Variants in RGS12 observed in about 807,000 individuals in gnomAD.
The protein encoded by RGS12 is regulator of G-protein signaling 12.
RGS12 carries 66 observed loss-of-function variants against 120.1 expected under a neutral mutation model. The ratio of observed to expected loss-of-function variants is 0.55; its 90% confidence interval spans 0.45 to 0.67. The LOEUF (loss-of-function observed/expected upper bound fraction) is 0.67, where lower values mean the gene tolerates loss of function less well. RGS12 is among the 30% of genes least tolerant of loss of function. The probability of loss-of-function intolerance (pLI) is 0.00; values close to 1 mark genes in which losing one functional copy is unlikely to be tolerated. For missense variants in RGS12, 1,859 were observed against 1,957.7 expected, an observed-to-expected ratio of 0.95 and a Z score of 0.95; for synonymous variants, 827 against 804.7, an observed-to-expected ratio of 1.03 and a Z score of -0.47.
intron 1 of RGS12, among the ~76,000 whole-genome samples, chr4:3,305,848 G>C (rs1578683775): frequency 6.6e-6 from 1 of 152,250 alleles, no homozygotes; most frequent in East Asian, 1.9e-4. Context: ...TCCTTTGTTT[G>C]AAACACAGCA....
intron 3 of RGS12, among the ~76,000 whole-genome samples, chr4:3,351,949 A>T (rs1288096162): frequency 6.6e-6 from 1 of 152,160 alleles, no homozygotes; most frequent in Admixed American, 6.5e-5. Context: ...ATTATTTAGA[A>T]TCTTTATTTT....
At position 3,433,670 on chromosome 4, in the gene RGS12, C is replaced by A. The variant is rs28779780; in HGVS notation, c.4114+2715C>A. Among the ~76,000 whole-genome samples, 1 of 151,962 alleles carries A rather than the reference C, an allele frequency of 6.6e-6. No homozygotes were observed. The highest frequency in any genetic ancestry group is 1.5e-5 in the Non-Finnish European group (1 of 67,992). ...CCATGCCACCCTGTTCCAGCCCCTG[C>A]GCCACGTGGTGCTCCACCACGCCCT... On this transcript the variant is annotated intron_variant, in intron 17 of 17. Transcript: ENST00000336727. This position sits in a 1 kb window ranked among gnomAD's most constrained non-coding sequence, Gnocchi z 4.4.
intron 4 of RGS12, among the ~76,000 whole-genome samples, chr4:3,408,587 A>T (rs1277288253): frequency 6.6e-6 from 1 of 152,154 alleles, no homozygotes; most frequent in Non-Finnish European, 1.5e-5. Context: ...GTTGCTGGAG[A>T]TTCCACTGTC....
intron 1 of RGS12, among the ~76,000 whole-genome samples, chr4:3,293,510 C>T (rs1459028884): frequency 6.6e-6 from 1 of 152,002 alleles, no homozygotes; most frequent in East Asian, 1.9e-4. Context: ...TCGTCGGACT[C>T]CACGAGCGGC....
rs757737796 is a variant in RGS12, at chr4:3,317,964, G to A, written c.1794G>A (p.Pro598=). Residue 598 remains proline (P), a synonymous_variant, in exon 2 of 18, where the codon CCG becomes CCA. Coordinates refer to ENST00000336727, the MANE Select transcript of RGS12 (RefSeq NM_001394154.1). Reference sequence around the variant, plus strand: ...TCGCGCAGCCCCCGCTGAATGCCCCGAAGAGGGAGTGGTCCAGGAAGGCCT... The same window carrying A: ...TCGCGCAGCCCCCGCTGAATGCCCCAAAGAGGGAGTGGTCCAGGAAGGCCT... The part of the protein sequence containing the change: ...GSFAQPPLNA[P]KREWSRKAFG... 21 of 1,613,254 alleles carry A rather than the reference G, an allele frequency of 1.3e-5. No homozygotes were observed. The East Asian group carries it at 3.1e-4, about 24-fold the overall frequency.
intron 3 of RGS12, among the ~76,000 whole-genome samples, chr4:3,352,298 G>C (rs936534096): frequency 6.6e-6 from 1 of 152,130 alleles, no homozygotes; most frequent in Non-Finnish European, 1.5e-5. Flanking sequence ...AAAAATGGGA[G>C]GCTTGGTTTG....
At chr4:3,421,286 T>G (rs951220308) in intron 10 of RGS12, among the ~76,000 whole-genome samples, 2 of 152,214 alleles carry the variant, frequency 1.3e-5, no homozygotes, top group African/African-American at 4.8e-5. Context: ...TGATAGGAAT[T>G]TTGGAAAACC....
intron 14 of RGS12, 36 bp from the exon 15 acceptor site, chr4:3,428,054 C>G (rs566493817): frequency 8.2e-6 from 13 of 1,578,778 alleles, no homozygotes; most frequent in Admixed American, 1.7e-5. Flanking sequence ...GATGGATTTG[C>G]GAGTCCCTGA....
At chr4:3,359,618 T>C (rs112468917) in intron 3 of RGS12, among the ~76,000 whole-genome samples, 4,357 of 148,008 alleles carry the variant, frequency 0.029, 215 homozygotes, top group African/African-American at 0.097. Context: ...TAGTTCTTTT[T>C]TCTTTTCTTT....
chr4:3,400,564 G>C lies in RGS12; in HGVS notation c.2021-13508G>C, dbSNP rs192057747. Among the ~76,000 whole-genome samples, 107 of 151,158 alleles carry C rather than the reference G, an allele frequency of 7.1e-4. 1 individual carries two copies. The highest frequency in any genetic ancestry group is 2.3e-3 in the African/African-American group (95 of 41,342). On this transcript the variant is annotated intron_variant, in intron 4 of 17. Transcript: ENST00000336727. ...AAAGCACTCATTCCTTTTTTAAAAA[G>C]TTATACTTAATAGAATACATGAATG...
chr4:3,424,775 GC>G (rs1251741254), intron 13 of RGS12, among the ~76,000 whole-genome samples: 2 of 152,182 alleles, frequency 1.3e-5, no homozygotes, highest in Non-Finnish European at 2.9e-5. Flanking sequence ...GAATTCTGTG[GC>G]CCCCTGTGTC....
In RGS12 at chr4:3,422,976, T is replaced by C; in HGVS notation, c.3105T>C (p.Phe1035=). Residue 1035 remains phenylalanine (F), a splice_region_variant and synonymous_variant, in exon 12 of 18, where the codon TTT becomes TTC. Coordinates refer to ENST00000336727, the MANE Select transcript of RGS12 (RefSeq NM_001394154.1). ...TGCGCCTAGAAAAGCGCACCTTGTT[T>C]CGGTAAGAGGAAGATCGCTGTCATT... The part of the protein sequence containing the change: ...RDLRLEKRTL[F]RLDLVPINRS... 6.2e-7 allele frequency: 1 copy of C among 1,612,740 alleles called. No individual in the cohort carries two copies. Among genetic ancestry groups the C allele is most frequent in the South Asian group, 1.1e-5 (1 of 91,076 alleles).
At chr4:3,381,215 C>T (rs1006879487) in intron 3 of RGS12, among the ~76,000 whole-genome samples, 2 of 152,218 alleles carry the variant, frequency 1.3e-5, no homozygotes, top group Admixed American at 6.5e-5. Context: ...GCCTGGACTT[C>T]GTTGTCCATA....
intron 1 of RGS12, chr4:3,312,766 G>A: frequency 4.6e-6 from 1 of 215,640 alleles, no homozygotes; most frequent in South Asian, 9.1e-5. Context: ...TGGTCCTGAT[G>A]TCCGGGGAAT....
intron 3 of RGS12, among the ~76,000 whole-genome samples, chr4:3,349,433 C>G (rs998841548): frequency 4.6e-5 from 7 of 152,116 alleles, no homozygotes; most frequent in African/African-American, 1.7e-4. Flanking sequence ...ATCTACATAC[C>G]TATAACTTTC....
rs112574020 is a variant in RGS12, at chr4:3,423,998, G to C, written c.3234+357G>C. 2.6e-5 allele frequency: 5 copies of C among 188,876 alleles called. No individual in the cohort carries two copies. The East Asian group carries it at 5.3e-4, about 20-fold the overall frequency. The allele number at this position is 188,876 out of a possible 1,614,324, so 11.7% of individuals were successfully genotyped here. On this transcript the variant is annotated intron_variant, in intron 13 of 17. Coordinates refer to ENST00000336727, the MANE Select transcript of RGS12 (RefSeq NM_001394154.1). ...GGATGGCCCTGCCCCCACTGCACCT[G>C]CTGGGCCCGGGCATTGTGCTCATGC... is the stretch of plus-strand genomic sequence containing the variant.
chr4:3,337,807 G>C (rs1396337691), intron 2 of RGS12, among the ~76,000 whole-genome samples: 1 of 152,190 alleles, frequency 6.6e-6, no homozygotes, highest in Non-Finnish European at 1.5e-5. Flanking sequence ...TAATGCTACT[G>C]AGCCAGCTAA....
At chr4:3,436,582 G>A (rs907061138) in intron 17 of RGS12, among the ~76,000 whole-genome samples, 11 of 152,166 alleles carry the variant, frequency 7.2e-5, no homozygotes, top group Admixed American at 3.9e-4. Flanking sequence ...CCCCTGCCCC[G>A]GCCAGGCCAG....
At position 3,372,706 on chromosome 4, in the gene RGS12, C is replaced by T. The variant is rs1486841775; in HGVS notation, c.1999-13710C>T. ...TGCAGTGTCAGACACTTGGCAGAAA[C>T]TTTGTTTCTCAAGGCAAAGCCCTTT... is the stretch of plus-strand genomic sequence containing the variant. On this transcript the variant is annotated intron_variant, in intron 3 of 17. Transcript: ENST00000336727. The surrounding 1 kb of genome is among the most constrained non-coding windows in gnomAD (Gnocchi z 4.3). 6.6e-6 allele frequency among the ~76,000 whole-genome samples: 1 copy of T among 152,174 alleles called. No homozygotes were observed. Among genetic ancestry groups the T allele is most frequent in the East Asian group, 1.9e-4 (1 of 5,198 alleles).
Sources: gnomAD v4.1 joint callset for allele counts (sites outside exome capture counted in the v4.1 genomes callset) on GRCh38, gnomAD v4.1.1 for gene constraint, Gnocchi (gnomAD v3.1) non-coding constraint, MANE v1.5 for transcripts, NCBI Gene and HGNC (gene_info 2026-07-23, HGNC 2026-07-21) for gene names.